The following KIAA1217 variants were observed in gnomAD, a reference collection of about 807,000 sequenced individuals.
KIAA1217 encodes KIAA1217.
In KIAA1217, 88 loss-of-function variants were observed where a neutral mutation model predicts 163.9. That is an observed-to-expected ratio of 0.54 (90% CI 0.45 to 0.64). The LOEUF is 0.64. KIAA1217 is among the 30% of genes least tolerant of loss of function. The pLI, the probability that KIAA1217 is intolerant of heterozygous loss-of-function variation, is 0.00. For synonymous variants in KIAA1217, 903 were observed against 923.1 expected, an observed-to-expected ratio of 0.98 and a Z score of 0.39; for missense variants, 2,372 against 2,475.0, an observed-to-expected ratio of 0.96 and a Z score of 0.88.
chr10:24,493,776 G>C (rs550896752), intron 6 of KIAA1217, among the ~76,000 whole-genome samples: 6 of 152,082 alleles, frequency 3.9e-5, no homozygotes, highest in Non-Finnish European at 7.4e-5. Flanking sequence ...GGGTTGTTTT[G>C]TTTTGTTTTG....
At chr10:23,713,501 A>G (rs1051837163) in intron 1 of KIAA1217, among the ~76,000 whole-genome samples, 1 of 152,174 alleles carries the variant, frequency 6.6e-6, no homozygotes, top group African/African-American at 2.4e-5. Flanking sequence ...GGTGTTTAAC[A>G]GCTTCTTTGG....
At chr10:24,018,881 A>C (rs1847609536) in intron 2 of KIAA1217, among the ~76,000 whole-genome samples, 1 of 152,110 alleles carries the variant, frequency 6.6e-6, no homozygotes, top group South Asian at 2.1e-4. Context: ...CTTCAAAGAG[A>C]AGAAAATCTT....
chr10:24,123,670 C>CA (rs1317673127), intron 2 of KIAA1217, among the ~76,000 whole-genome samples: 2 of 152,160 alleles, frequency 1.3e-5, no homozygotes, highest in Admixed American at 1.3e-4. Context: ...GCTTAAGTCC[C>CA]ACCCCAGACC....
intron 2 of KIAA1217, among the ~76,000 whole-genome samples, chr10:24,355,685 G>A (rs553035833): frequency 7.6e-4 from 105 of 138,134 alleles, no homozygotes; most frequent in East Asian, 2.5e-3. Flanking sequence ...GTCTTCTGTC[G>A]CCACAGCTGA....
At chr10:24,413,630 A>T (rs894939512) in intron 3 of KIAA1217, among the ~76,000 whole-genome samples, 5 of 151,936 alleles carry the variant, frequency 3.3e-5, no homozygotes, top group Non-Finnish European at 7.4e-5. Flanking sequence ...TCCATTTCTC[A>T]TCTCACTCAT....
Position 24,543,156 on chromosome 10 carries a change from A to C in KIAA1217, c.3886A>C (p.Thr1296Pro). ...ISGLQYSIPD[T>P]ENQTLNYGKT... is the part of the protein sequence containing the mutation. ...AGGCCTGCAATACTCTATACCTGAC[A>C]CCGAGAACCAGACGCTGAATTACGG... The change falls in exon 19 of 21, where the codon ACC becomes CCC. Residue 1296 changes from threonine (T) to proline (P), a missense_variant. Coordinates refer to ENST00000376454, the MANE Select transcript of KIAA1217 (RefSeq NM_019590.5). The C allele has an allele frequency of 6.2e-7, 1 of 1,613,724 alleles. No individual in the cohort carries two copies. The highest frequency in any genetic ancestry group is 8.5e-7 in the Non-Finnish European group (1 of 1,180,032).
chr10:24,409,713 C>G (rs1444410143), intron 3 of KIAA1217, among the ~76,000 whole-genome samples: 1 of 152,058 alleles, frequency 6.6e-6, no homozygotes, highest in Non-Finnish European at 1.5e-5. Context: ...TTTCACTGAA[C>G]CCAATTTGCA....
intron 1 of KIAA1217, among the ~76,000 whole-genome samples, chr10:23,790,838 A>G (rs996505322): frequency 6.6e-6 from 1 of 151,774 alleles, no homozygotes; most frequent in Non-Finnish European, 1.5e-5. Flanking sequence ...GGCTCAAGCC[A>G]TTGTCCTGCC....
intron 2 of KIAA1217, among the ~76,000 whole-genome samples, chr10:24,245,088 A>G (rs542925486): frequency 2.6e-5 from 4 of 152,146 alleles, no homozygotes; most frequent in Non-Finnish European, 5.9e-5. Context: ...GGTAGGTGAT[A>G]GCATTGGTGG....
At chr10:23,955,174 G>A (rs954403840) in intron 1 of KIAA1217, among the ~76,000 whole-genome samples, 8 of 152,158 alleles carry the variant, frequency 5.3e-5, no homozygotes, top group African/African-American at 1.7e-4. Flanking sequence ...CACAGAGGGG[G>A]TAAGCGGCAG....
At chr10:24,507,338 TG>T (rs1213019597) in intron 9 of KIAA1217, among the ~76,000 whole-genome samples, 1 of 152,160 alleles carries the variant, frequency 6.6e-6, no homozygotes, top group African/African-American at 2.4e-5. Flanking sequence ...AAGAAAAATT[TG>T]TCAAGAGAAA....
intron 3 of KIAA1217, among the ~76,000 whole-genome samples, chr10:24,407,031 C>T (rs541769186): frequency 6.6e-6 from 1 of 152,180 alleles, no homozygotes; most frequent in Non-Finnish European, 1.5e-5. Flanking sequence ...GAACTACCAT[C>T]GCAGCTCTGT....
chr10:24,206,816 G>C (rs577610361), upstream of KIAA1217, among the ~76,000 whole-genome samples: 1 of 152,006 alleles, frequency 6.6e-6, no homozygotes, highest in East Asian at 1.9e-4. Flanking sequence ...GGCTTGGCCC[G>C]TATGGGGGAG....
intron 1 of KIAA1217, among the ~76,000 whole-genome samples, chr10:23,977,183 G>C (rs1390384940): frequency 6.6e-6 from 1 of 152,144 alleles, no homozygotes; most frequent in Non-Finnish European, 1.5e-5. Context: ...ATTTTGATTT[G>C]GTTGTAAGAA....
intron 1 of KIAA1217, among the ~76,000 whole-genome samples, chr10:23,857,092 G>T (rs899305979): frequency 6.6e-6 from 1 of 152,190 alleles, no homozygotes; most frequent in Non-Finnish European, 1.5e-5. Flanking sequence ...GAAATCACCC[G>T]TCTTCTGTGT....
chr10:24,222,007 G>T (rs2069721933), intron 2 of KIAA1217, among the ~76,000 whole-genome samples: 1 of 152,108 alleles, frequency 6.6e-6, no homozygotes, highest in African/African-American at 2.4e-5. Context: ...ATTTTGCTGA[G>T]AAATATAGAA....
intron 3 of KIAA1217, among the ~76,000 whole-genome samples, chr10:24,390,777 T>G (rs2054812867): frequency 6.6e-6 from 1 of 152,318 alleles, no homozygotes; most frequent in South Asian, 2.1e-4. Flanking sequence ...TGTCAAAAAT[T>G]TCTTCAGTAT....
intron 2 of KIAA1217, among the ~76,000 whole-genome samples, chr10:24,051,135 C>T (rs575188494): frequency 1.3e-5 from 2 of 152,298 alleles, no homozygotes; most frequent in African/African-American, 4.8e-5. Context: ...TTTGCATCCT[C>T]ATAGCTTAGC....
intron 2 of KIAA1217, among the ~76,000 whole-genome samples, chr10:24,026,352 A>G (rs944841869): frequency 3.8e-4 from 58 of 152,016 alleles, no homozygotes; most frequent in African/African-American, 1.3e-3. Flanking sequence ...GTGTTATACT[A>G]TTCTTAAATG....
Sources: allele counts gnomAD v4.1 joint callset (sites outside exome capture counted in the v4.1 genomes callset), GRCh38; gene constraint gnomAD v4.1.1; transcripts MANE v1.5; gene names NCBI Gene and HGNC (gene_info 2026-07-23, HGNC 2026-07-21).